Variants in VPS35L observed in about 807,000 individuals in gnomAD.
VPS35L encodes the protein VPS35 endosomal protein-sorting factor-like.
VPS35L carries 83 observed loss-of-function variants against 133.0 expected under a neutral mutation model. The observed-to-expected ratio is 0.62, with a 90% CI of 0.52 to 0.75. VPS35L has a LOEUF of 0.75. VPS35L is among the 30% of genes least tolerant of loss of function. VPS35L has a pLI of 0.00. For synonymous variants in VPS35L, 423 were observed against 449.9 expected (o/e 0.94, Z 0.76); for missense variants, 1,083 against 1,206.8 (o/e 0.90, Z 1.52).
At chr16:19,680,922 C>G (rs190952916) in intron 27 of VPS35L, among the ~76,000 whole-genome samples, 37 of 142,430 alleles carry the variant, frequency 2.6e-4, no homozygotes, top group African/African-American at 9.7e-4. Context: ...CCGCCCCCCC[C>G]CTAAAAAAAC....
chr16:19,567,085 G>C (rs140032617), intron 2 of VPS35L, among the ~76,000 whole-genome samples: 1 of 152,304 alleles, frequency 6.6e-6, no homozygotes, highest in Non-Finnish European at 1.5e-5. Flanking sequence ...AAAACTTGGT[G>C]ATTGGCACAA....
At position 19,629,820 on chromosome 16, in the gene VPS35L, G is replaced by T. The variant is rs144908771; in HGVS notation, c.1554G>T (p.Thr518=). The change falls in exon 18 of 31, where the codon ACG becomes ACT. Residue 518 remains threonine, a splice_region_variant and synonymous_variant. Transcript: ENST00000417362. Reference sequence around the variant, plus strand: ...TGGAATACACCTGCAAGCATTTCACGGTATGTGTGACTGTGGTATTGTTTT... The same window carrying T: ...TGGAATACACCTGCAAGCATTTCACTGTATGTGTGACTGTGGTATTGTTTT... ...VWVEYTCKHF[T]KREVNTVLAD... 3.1e-6 allele frequency: 5 copies of T among 1,612,894 alleles called. No homozygotes were observed. Among genetic ancestry groups the T allele is most frequent in the Middle Eastern group, 1.7e-4 (1 of 6,058 alleles).
chr16:19,662,846 G>A (rs914538603), intron 26 of VPS35L, among the ~76,000 whole-genome samples: 16 of 152,044 alleles, frequency 1.1e-4, no homozygotes, highest in African/African-American at 3.4e-4. Flanking sequence ...GCTCCTACAG[G>A]GGCATGGTAG....
chr16:19,571,210 A>G (rs146315250), intron 3 of VPS35L, among the ~76,000 whole-genome samples: 63 of 152,194 alleles, frequency 4.1e-4, no homozygotes, highest in African/African-American at 1.5e-3. Flanking sequence ...CATAAATGGA[A>G]CTGCTGTTTT....
chr16:19,667,184 A>G (rs55892021), intron 26 of VPS35L, among the ~76,000 whole-genome samples: 52,153 of 151,488 alleles, frequency 0.34, 9,221 homozygotes, highest in African/African-American at 0.37. Flanking sequence ...GGCTGGTCTC[A>G]AACTCCTGAC....
intron 27 of VPS35L, among the ~76,000 whole-genome samples, chr16:19,669,816 G>A (rs965462466): frequency 1.3e-5 from 2 of 150,578 alleles, no homozygotes; most frequent in Middle Eastern, 3.5e-3. Flanking sequence ...GATTACAGGC[G>A]CCCGCCACCA....
chr16:19,682,203 C>T (rs1396815787), intron 27 of VPS35L, 22 bp from the exon 28 acceptor site: 4 of 1,605,380 alleles, frequency 2.5e-6, no homozygotes, highest in Non-Finnish European at 3.4e-6. Context: ...GATTATTTAT[C>T]CTTTTTTCGG....
intron 22 of VPS35L, 82 bp downstream of exon 22, chr16:19,642,558 A>C (rs1973819327): frequency 3.5e-6 from 4 of 1,151,558 alleles, no homozygotes; most frequent in Non-Finnish European, 5.0e-6. Context: ...GACTGCTTTA[A>C]GCTGCCACTG....
At chr16:19,683,457 C>G (rs1259185560) in intron 28 of VPS35L, among the ~76,000 whole-genome samples, 1 of 152,156 alleles carries the variant, frequency 6.6e-6, no homozygotes, top group Non-Finnish European at 1.5e-5. Context: ...CCCCTTCCTC[C>G]CCACTCTAGT....
chr16:19,635,059 G>A (rs996785973), intron 19 of VPS35L, among the ~76,000 whole-genome samples: 2 of 152,170 alleles, frequency 1.3e-5, no homozygotes, highest in African/African-American at 4.8e-5. Flanking sequence ...TATCACCATG[G>A]CCAGGCTCCA....
chr16:19,578,728 C>T lies in VPS35L; in HGVS notation c.434-324C>T, dbSNP rs866306010. 4.9e-5 allele frequency: 17 copies of T among 347,350 alleles called. 1 individual carries two copies. Among genetic ancestry groups the T allele is most frequent in the South Asian group, 8.5e-5 (3 of 35,306 alleles). 21.5% of individuals were successfully genotyped at this position (347,350 alleles called of 1,614,324 possible). A position where few individuals can be genotyped will look rare whatever the true frequency, so the allele number is the denominator to read the frequency against. ...TTGTTCATAGAAAACAATTAGATGACGGATTTTTGGCATCCTTATCTGGAC... is the reference window on the plus strand; with the variant it reads ...TTGTTCATAGAAAACAATTAGATGATGGATTTTTGGCATCCTTATCTGGAC... On this transcript the variant is annotated intron_variant, in intron 5 of 30. Coordinates refer to ENST00000417362, the MANE Select transcript of VPS35L (RefSeq NM_020314.7).
rs1171896963 is a variant in VPS35L at position 19,639,975 on chromosome 16, C to T, written c.1699-40C>T. The T allele has an allele frequency of 6.5e-7, 1 of 1,532,200 alleles. No individual in the cohort carries two copies. The highest frequency in any genetic ancestry group is 1.7e-5 in the Admixed American group (1 of 58,994). 94.9% of individuals were successfully genotyped at this position (1,532,200 alleles called of 1,614,324 possible). On this transcript the variant is annotated intron_variant, in intron 20 of 30. Coordinates refer to ENST00000417362, the MANE Select transcript of VPS35L (RefSeq NM_020314.7). This position sits in a 1 kb window ranked among gnomAD's most constrained non-coding sequence, Gnocchi z 4.1. ...CCCACAGATTCCTTCCTTCCAATAA[C>T]TTGTGTCATTTGCATATAGAGTGCT...
At chr16:19,558,937 AAC>A (rs1035129318) in intron 1 of VPS35L, among the ~76,000 whole-genome samples, 4 of 151,582 alleles carry the variant, frequency 2.6e-5, no homozygotes, top group Non-Finnish European at 4.4e-5. Context: ...AAAAAAAAAA[AAC>A]AACCCTTGGA....
At position 19,579,045 on chromosome 16, in the gene VPS35L, T is replaced by C. The variant is rs1231926185; in HGVS notation, c.434-7T>C. 1.2e-6 allele frequency: 2 copies of C among 1,613,886 alleles called. No individual in the cohort carries two copies. Among genetic ancestry groups the C allele is most frequent in the East Asian group, 4.5e-5 (2 of 44,882 alleles). On this transcript the variant is annotated splice_polypyrimidine_tract_variant and splice_region_variant and intron_variant, in intron 5 of 30. Transcript: ENST00000417362. ...CCACCTGTGTGACGTAAATTCATTCTGTTTAGGCAAAGCTGGGACTGCCAC... is the reference window on the plus strand; with the variant it reads ...CCACCTGTGTGACGTAAATTCATTCCGTTTAGGCAAAGCTGGGACTGCCAC...
At chr16:19,557,663 G>A (rs1200317496) in intron 1 of VPS35L, among the ~76,000 whole-genome samples, 2 of 152,210 alleles carry the variant, frequency 1.3e-5, no homozygotes, top group South Asian at 2.1e-4. Context: ...GATTACAGGC[G>A]TGAGCTACCA....
intron 2 of VPS35L, among the ~76,000 whole-genome samples, chr16:19,565,215 G>A (rs534810750): frequency 1.3e-5 from 2 of 151,786 alleles, no homozygotes; most frequent in South Asian, 2.1e-4. Context: ...ACCATGCCTG[G>A]CTAAGTTTTT....
At chr16:19,576,716 A>G (rs1269039993) in intron 5 of VPS35L, among the ~76,000 whole-genome samples, 1 of 151,222 alleles carries the variant, frequency 6.6e-6, no homozygotes, top group Non-Finnish European at 1.5e-5. Flanking sequence ...GAGTGGGAAC[A>G]GCTTTGTTAT....
At chr16:19,569,360 C>G in intron 2 of VPS35L, 64 bp from the exon 3 acceptor site, 1 of 1,562,136 alleles carries the variant, frequency 6.4e-7, no homozygotes, top group Non-Finnish European at 8.8e-7. Flanking sequence ...AAAGTACCCA[C>G]TGGAGTGTTT....
intron 26 of VPS35L, among the ~76,000 whole-genome samples, chr16:19,660,158 C>G (rs536519618): frequency 6.6e-6 from 1 of 152,104 alleles, no homozygotes; most frequent in Admixed American, 6.6e-5. Flanking sequence ...AACCCTGTCT[C>G]TACTAAAAAT....
Sources: gnomAD v4.1 joint callset for allele counts (sites outside exome capture counted in the v4.1 genomes callset) on GRCh38, gnomAD v4.1.1 for gene constraint, Gnocchi (gnomAD v3.1) non-coding constraint, MANE v1.5 for transcripts, NCBI Gene and HGNC (gene_info 2026-07-23, HGNC 2026-07-21) for gene names.